The following RNF152 variants were observed in gnomAD, a reference collection of about 807,000 sequenced individuals.
The protein encoded by RNF152 is E3 ubiquitin-protein ligase RNF152.
In RNF152, 11 loss-of-function variants were observed where a neutral mutation model predicts 12.7. The ratio of observed to expected loss-of-function variants is 0.86; its 90% CI spans 0.54 to 1.43. The LOEUF is 1.43. Ranked by LOEUF, RNF152 falls within the 40% of genes most tolerant of loss-of-function variation. RNF152 has a pLI of 0.00. For synonymous variants in RNF152, 113 were observed against 120.3 expected (o/e 0.94, Z 0.40); for missense variants, 255 against 274.8 (o/e 0.93, Z 0.51).
chr18:61,854,839 C>T (rs1911147029), intron 1 of RNF152, among the ~76,000 whole-genome samples: 1 of 152,286 alleles, frequency 6.6e-6, no homozygotes, highest in Admixed American at 6.5e-5. Flanking sequence ...TGTCTGTGTT[C>T]AACCTGACGT....
At chr18:61,828,766 G>A (rs1358597109) in intron 1 of RNF152, among the ~76,000 whole-genome samples, 3 of 152,272 alleles carry the variant, frequency 2.0e-5, no homozygotes, top group African/African-American at 7.2e-5. Context: ...ACATTCAAAT[G>A]CATATTGAGT....
intron 1 of RNF152, among the ~76,000 whole-genome samples, chr18:61,861,530 T>C (rs984582685): frequency 6.6e-6 from 1 of 152,164 alleles, no homozygotes; most frequent in African/African-American, 2.4e-5. Flanking sequence ...TTCCTAAAAA[T>C]ATATCCCTGT....
intron 1 of RNF152, among the ~76,000 whole-genome samples, chr18:61,833,158 A>G (rs925183284): frequency 2.0e-5 from 3 of 152,224 alleles, no homozygotes; most frequent in African/African-American, 7.2e-5. Context: ...CCTTTCCTGA[A>G]GATGTAGCAA....
At chr18:61,822,979 T>G (rs1235267270) in intron 1 of RNF152, among the ~76,000 whole-genome samples, 4 of 152,248 alleles carry the variant, frequency 2.6e-5, no homozygotes, top group Non-Finnish European at 5.9e-5. Context: ...TCAGCTGGCT[T>G]GCCAGCCACT....
intron 1 of RNF152, among the ~76,000 whole-genome samples, chr18:61,838,750 T>C (rs1910301982): frequency 6.6e-6 from 1 of 152,306 alleles, no homozygotes; most frequent in South Asian, 2.1e-4. Flanking sequence ...AAAGTGCGAC[T>C]GCAGGCCCAG....
At position 61,811,413 on chromosome 18, in the gene RNF152, A is replaced by AT. The variant is rs905827872; in HGVS notation, c.*4438dup. 6.6e-6 allele frequency: 1 copy of AT among 152,186 alleles called. No individual in the cohort carries two copies. The highest frequency in any genetic ancestry group is 6.5e-5 in the Admixed American group (1 of 15,276). The allele number at this position is 152,186 out of a possible 1,614,324, so 9.4% of individuals were successfully genotyped here. On this transcript the variant is annotated 3_prime_UTR_variant, in exon 2 of 2. Coordinates refer to ENST00000312828, the MANE Select transcript of RNF152 (RefSeq NM_173557.3). The stretch of plus-strand genomic sequence containing the variant: ...CAAGTCTTTAAATTTCATGGGCAGT[A>AT]TTTTTTACTGTTAAAAAAAGTGCTT...
intron 1 of RNF152, among the ~76,000 whole-genome samples, chr18:61,872,374 T>C (rs183228411): frequency 2.6e-5 from 4 of 152,334 alleles, no homozygotes; most frequent in Admixed American, 6.5e-5. Context: ...TTCCTTCCAG[T>C]CCTAGAGGTG....
At chr18:61,877,709 A>G (rs1912274586) in intron 1 of RNF152, among the ~76,000 whole-genome samples, 2 of 152,192 alleles carry the variant, frequency 1.3e-5, no homozygotes, top group African/African-American at 4.8e-5. Context: ...TACAAGAATT[A>G]TTGCAATAAG....
intron 1 of RNF152, among the ~76,000 whole-genome samples, chr18:61,841,701 T>C (rs917633776): frequency 3.9e-5 from 6 of 152,228 alleles, no homozygotes; most frequent in African/African-American, 1.4e-4. Context: ...TATAATTTCA[T>C]GGAGTGCAAT....
chr18:61,833,596 C>T (rs1910049448), intron 1 of RNF152, among the ~76,000 whole-genome samples: 1 of 152,202 alleles, frequency 6.6e-6, no homozygotes, highest in South Asian at 2.1e-4. Flanking sequence ...GATTCTAGGG[C>T]TAACATAACT....
chr18:61,819,131 C>T (rs1909256336), intron 1 of RNF152, among the ~76,000 whole-genome samples: 1 of 152,234 alleles, frequency 6.6e-6, no homozygotes, highest in African/African-American at 2.4e-5. Context: ...AATACTAGAG[C>T]AACTTACAGA....
chr18:61,860,800 C>G (rs1362958934), intron 1 of RNF152, among the ~76,000 whole-genome samples: 3 of 152,142 alleles, frequency 2.0e-5, no homozygotes, highest in Non-Finnish European at 4.4e-5. Flanking sequence ...GAAGACCTTC[C>G]AATGGGACAA....
intron 1 of RNF152, among the ~76,000 whole-genome samples, chr18:61,821,754 G>A (rs1277891882): frequency 3.3e-5 from 5 of 152,122 alleles, no homozygotes; most frequent in African/African-American, 9.7e-5. Flanking sequence ...TCCACCTCCC[G>A]TCAGATCAGC....
chr18:61,863,122 G>A (rs781413440), intron 1 of RNF152, among the ~76,000 whole-genome samples: 5 of 152,238 alleles, frequency 3.3e-5, no homozygotes, highest in East Asian at 3.9e-4. Flanking sequence ...TGTGTTGCCC[G>A]TAAAACATTT....
chr18:61,875,225 G>A (rs1221193666), intron 1 of RNF152: 1 of 152,232 alleles, frequency 6.6e-6, no homozygotes, highest in Non-Finnish European at 1.5e-5. Context: ...ATTTGTATGA[G>A]AAGGGATCTT....
At chr18:61,829,703 C>A (rs1392190771) in intron 1 of RNF152, among the ~76,000 whole-genome samples, 1 of 151,944 alleles carries the variant, frequency 6.6e-6, no homozygotes, top group East Asian at 1.9e-4. Flanking sequence ...CCTTTCCCCT[C>A]CTCTTCCAAT....
intron 1 of RNF152, among the ~76,000 whole-genome samples, chr18:61,836,570 C>A (rs1029340964): frequency 6.6e-6 from 1 of 152,138 alleles, no homozygotes; most frequent in Non-Finnish European, 1.5e-5. Flanking sequence ...AAGGTTCCCA[C>A]CCGAATCTGA....
intron 1 of RNF152, among the ~76,000 whole-genome samples, chr18:61,850,333 T>A (rs1050404479): frequency 6.6e-6 from 1 of 152,264 alleles, no homozygotes; most frequent in African/African-American, 2.4e-5. Context: ...ACTCCTTGAA[T>A]GCAGAATGCT....
intron 1 of RNF152, among the ~76,000 whole-genome samples, chr18:61,874,478 A>T (rs1168091900): frequency 1.3e-5 from 2 of 152,250 alleles, no homozygotes; most frequent in Non-Finnish European, 2.9e-5. Flanking sequence ...ATAATGTGCA[A>T]CTATTTTAAA....
Sources: gnomAD v4.1 joint callset for allele counts (sites outside exome capture counted in the v4.1 genomes callset) on GRCh38, gnomAD v4.1.1 for gene constraint, MANE v1.5 for transcripts, NCBI Gene and HGNC (gene_info 2026-07-23, HGNC 2026-07-21) for gene names.